ZFAT: variants seen among roughly 807,000 people sequenced by gnomAD.
ZFAT encodes the protein zinc finger protein ZFAT.
ZFAT carries 64 observed loss-of-function variants against 117.7 expected under a neutral mutation model. The observed-to-expected ratio is 0.54, with a 90% CI of 0.44 to 0.67. The LOEUF is 0.67. Among genes scored for constraint, ZFAT ranks in the 30% least tolerant of loss-of-function variants. The pLI is 0.00. For synonymous variants in ZFAT, 679 were observed against 615.0 expected (o/e 1.10, Z -1.54); for missense variants, 1,433 against 1,584.5 (o/e 0.90, Z 1.62).
the ZFAT span, among the ~76,000 whole-genome samples, chr8:134,753,657 G>T: frequency 1.3e-5 from 2 of 152,170 alleles, no homozygotes; most frequent in African/African-American, 4.8e-5. Flanking sequence ...ACCAATAAAT[G>T]CTTGTTGAGT....
chr8:134,525,127 T>C (rs1364087468), intron 12 of ZFAT, among the ~76,000 whole-genome samples: 1 of 152,318 alleles, frequency 6.6e-6, no homozygotes, highest in Non-Finnish European at 1.5e-5. Flanking sequence ...GCTGACCACA[T>C]TCTCCAGTCA....
chr8:134,623,186 C>A (rs1219396912), intron 3 of ZFAT, among the ~76,000 whole-genome samples: 1 of 152,166 alleles, frequency 6.6e-6, no homozygotes, highest in African/African-American at 2.4e-5. Context: ...CAACGAGGCA[C>A]ACCCCCAATC....
At chr8:134,706,878 CAA>C (rs778702954) in intron 1 of ZFAT, among the ~76,000 whole-genome samples, 91 of 124,958 alleles carry the variant, frequency 7.3e-4, no homozygotes, top group Non-Finnish European at 6.6e-4. Flanking sequence ...TATAGTACGC[CAA>C]AAAAAAAAAA....
intron 12 of ZFAT, among the ~76,000 whole-genome samples, chr8:134,528,428 A>G (rs778930970): frequency 5.3e-5 from 8 of 152,246 alleles, no homozygotes; most frequent in Non-Finnish European, 1.2e-4. Flanking sequence ...AAGATGTCTA[A>G]AAATCAAATA....
chr8:134,534,016 A>G (rs1338599254), intron 11 of ZFAT, among the ~76,000 whole-genome samples: 2 of 152,174 alleles, frequency 1.3e-5, no homozygotes, highest in African/African-American at 4.8e-5. Context: ...GGAGCAGAAG[A>G]GCATGGAGCA....
the ZFAT span, among the ~76,000 whole-genome samples, chr8:134,822,494 T>C: frequency 1.3e-5 from 2 of 152,238 alleles, no homozygotes; most frequent in East Asian, 3.9e-4. Flanking sequence ...TAAAAAACAC[T>C]AAAATTTATT....
At chr8:134,801,079 C>A in the ZFAT span, among the ~76,000 whole-genome samples, 1 of 152,132 alleles carries the variant, frequency 6.6e-6, no homozygotes, top group Admixed American at 6.5e-5. Flanking sequence ...TATGATGCAT[C>A]AACCAATCTT....
chr8:134,480,921 C>A (rs545848914), intron 15 of ZFAT, among the ~76,000 whole-genome samples: 186 of 152,240 alleles, frequency 1.2e-3, no homozygotes, highest in Middle Eastern at 6.8e-3. Context: ...ATGTTTAATT[C>A]AGAGAGAAAA....
chr8:134,529,562 T>C (rs1821262090), intron 12 of ZFAT, among the ~76,000 whole-genome samples: 1 of 152,222 alleles, frequency 6.6e-6, no homozygotes. Flanking sequence ...TAGTGCTCAG[T>C]ACTACCTTAA....
At chr8:134,573,680 T>A (rs2130806692) in intron 10 of ZFAT, among the ~76,000 whole-genome samples, 1 of 152,360 alleles carries the variant, frequency 6.6e-6, no homozygotes. Flanking sequence ...TCATTTCCAT[T>A]GTTTCTGTTC....
chr8:134,725,822 C>T, the ZFAT span, among the ~76,000 whole-genome samples: 1 of 152,036 alleles, frequency 6.6e-6, no homozygotes, highest in Non-Finnish European at 1.5e-5. Flanking sequence ...AAAAGCTCTG[C>T]CTTCAGCTCA....
At chr8:134,614,276 C>T (rs1427628239) in intron 3 of ZFAT, among the ~76,000 whole-genome samples, 1 of 152,178 alleles carries the variant, frequency 6.6e-6, no homozygotes, top group Non-Finnish European at 1.5e-5. Context: ...ATCTCCTACC[C>T]CTTTGGGCTC....
At chr8:134,688,576 C>T (rs931118695) in intron 1 of ZFAT, among the ~76,000 whole-genome samples, 1 of 152,132 alleles carries the variant, frequency 6.6e-6, no homozygotes, top group Non-Finnish European at 1.5e-5. Context: ...AGAAAAGGAG[C>T]CAGGACTTGG....
chr8:134,831,860 C>T, the ZFAT span, among the ~76,000 whole-genome samples: 2 of 152,002 alleles, frequency 1.3e-5, no homozygotes, highest in Non-Finnish European at 2.9e-5. Flanking sequence ...AGTGACCCCA[C>T]GACGCCCCCC....
chr8:134,783,623 G>C, the ZFAT span: 1 of 152,146 alleles, frequency 6.6e-6, no homozygotes, highest in Non-Finnish European at 1.5e-5. Flanking sequence ...TTAAAAAACA[G>C]TTCTTTAAAC....
chr8:134,615,655 A>C (rs1037412197), intron 3 of ZFAT, among the ~76,000 whole-genome samples: 5 of 152,292 alleles, frequency 3.3e-5, no homozygotes, highest in Admixed American at 2.0e-4. Context: ...TCCAGTGGGG[A>C]ACCTAAGCTA....
the ZFAT span, among the ~76,000 whole-genome samples, chr8:134,725,341 C>A: frequency 1.3e-5 from 2 of 152,144 alleles, no homozygotes; most frequent in Non-Finnish European, 2.9e-5. Flanking sequence ...TGAATTGGCT[C>A]ATGGTTCCAC....
At chr8:134,622,906 T>G (rs9886521) in intron 3 of ZFAT, among the ~76,000 whole-genome samples, 9,836 of 152,146 alleles carry the variant, frequency 0.065, 1,084 homozygotes, top group African/African-American at 0.22. Context: ...TTACCCTGCT[T>G]TTCCCAGCTG....
At chr8:134,723,880 C>T in the ZFAT span, 4 of 152,162 alleles carry the variant, frequency 2.6e-5, no homozygotes, top group Non-Finnish European at 5.9e-5. Flanking sequence ...AAACTGATAA[C>T]CCTGAAAATA....
Sources: allele counts gnomAD v4.1 joint callset (sites outside exome capture counted in the v4.1 genomes callset), GRCh38; gene constraint gnomAD v4.1.1; transcripts MANE v1.5; gene names NCBI Gene and HGNC (gene_info 2026-07-23, HGNC 2026-07-21).